MRNIP: variants seen among roughly 807,000 people sequenced by gnomAD.
MRNIP encodes MRN complex interacting protein.
A neutral mutation model predicts 29.8 loss-of-function variants in MRNIP; 30 were observed. The observed-to-expected ratio is 1.01, with a 90% CI of 0.75 to 1.36. The LOEUF is 1.36. Ranked by LOEUF, MRNIP falls within the 40% of genes most tolerant of loss-of-function variation. MRNIP has a pLI of 0.00. For synonymous variants in MRNIP, 201 were observed against 164.1 expected (o/e 1.23, Z -1.72); for missense variants, 459 against 423.5 (o/e 1.08, Z -0.74).
chr5:179,851,745 A>G (rs955378925), intron 2 of MRNIP, among the ~76,000 whole-genome samples: 22 of 152,164 alleles, frequency 1.4e-4, no homozygotes, highest in East Asian at 7.7e-4. Flanking sequence ...TTGGGAGGCC[A>G]AGGTGGGCAG....
At chr5:179,845,072 T>C (rs1313144855) in intron 3 of MRNIP, among the ~76,000 whole-genome samples, 1 of 152,232 alleles carries the variant, frequency 6.6e-6, no homozygotes, top group African/African-American at 2.4e-5. Context: ...CTCTCAACTT[T>C]CCCTTATATT....
chr5:179,840,513 T>G, intron 6 of MRNIP: 2 of 414,396 alleles, frequency 4.8e-6, no homozygotes, highest in African/African-American at 2.0e-5. Context: ...TCTCCCAGGA[T>G]TCAGGGCGGC....
chr5:179,853,415 G>A lies in MRNIP; in HGVS notation c.89C>T (p.Thr30Ile). ...CTGCTTCTCTCCACAAGCTTTGCAT[G>A]TCCACTTGACACTCTTTTTTACCTG... ...AHQVKKSVKWTCKACGEKQSF... is the reference protein window; with the variant it reads ...AHQVKKSVKWICKACGEKQSF... Residue 30 changes from threonine to isoleucine, a missense_variant, in exon 2 of 7, where the codon ACA (threonine) becomes ATA (isoleucine). Physicochemically the swap from Thr to Ile is moderately conservative, Grantham distance 89. Transcript: ENST00000292586. 5 of 1,612,402 alleles carry A rather than the reference G, an allele frequency of 3.1e-6. No homozygotes were observed. Among genetic ancestry groups the A allele is most frequent in the Non-Finnish European group, 4.2e-6 (5 of 1,179,444 alleles).
chr5:179,853,286 A>G (rs756512181), intron 2 of MRNIP, 92 bp downstream of exon 2: 31 of 1,603,694 alleles, frequency 1.9e-5, no homozygotes, highest in Non-Finnish European at 2.6e-5. Context: ...TCTGTTTGAG[A>G]GAGGATGATC....
chr5:179,843,035 G>GAGGAAAGAAGAGGA lies in MRNIP; in HGVS notation c.292-972_292-971insTCCTCTTCTTTCCT, dbSNP rs1554093079. The stretch of plus-strand genomic sequence containing the variant: ...GGACACAGCGAGACTCTGTCGAAAG[G>GAGGAAAGAAGAGGA]AGGAAAGAAGGAAGGAAGGAAGGAA... On this transcript the variant is annotated intron_variant, in intron 4 of 6. Transcript: ENST00000292586. Among the ~76,000 whole-genome samples the GAGGAAAGAAGAGGA allele has an allele frequency of 8.2e-5, 5 of 60,788 alleles. No homozygotes were observed. In the East Asian group the frequency reaches 2.8e-3, roughly 34 times the overall value. The allele number at this position is 60,788 out of a possible 152,430, so 39.9% of individuals were successfully genotyped here.
rs368323623 is a variant in MRNIP at position 179,837,724 on chromosome 5, G to A, written c.699C>T (p.Val233=). 5.0e-6 allele frequency: 8 copies of A among 1,614,252 alleles called. No homozygotes were observed. In the Admixed American group the frequency reaches 6.7e-5, roughly 13 times the overall value. The change falls in exon 7 of 7, where the codon GTC becomes GTT. Residue 233 remains valine, a synonymous_variant. Coordinates refer to ENST00000292586, the MANE Select transcript of MRNIP (RefSeq NM_016175.4). ...CATGTGAACTTTTTCTAGGTGGCAG[G>A]ACAAATTGCGCCCATTTAGAGGATG... is the stretch of plus-strand genomic sequence containing the variant. ...TATSSKWAQF[V]LPPRKSSHVD...
chr5:179,856,628 A>G (rs966199247), intron 1 of MRNIP, among the ~76,000 whole-genome samples: 2 of 152,048 alleles, frequency 1.3e-5, no homozygotes, highest in African/African-American at 4.8e-5. Flanking sequence ...GCGCCACTAC[A>G]TCTAGCTATT....
chr5:179,858,028 GAA>G (rs1759672491), intron 1 of MRNIP, among the ~76,000 whole-genome samples: 2 of 43,866 alleles, frequency 4.6e-5, no homozygotes, highest in Non-Finnish European at 9.5e-5. Context: ...AAAAAAAAAA[GAA>G]GAAGAAGTCT....
intron 1 of MRNIP, among the ~76,000 whole-genome samples, chr5:179,857,681 C>T (rs1376275015): frequency 1.3e-5 from 2 of 152,162 alleles, no homozygotes; most frequent in African/African-American, 2.4e-5. Flanking sequence ...CAGACACATA[C>T]TCAGCATCTT....
chr5:179,840,329 A>C (rs1273929794), intron 6 of MRNIP: 1 of 154,372 alleles, frequency 6.5e-6, no homozygotes. Context: ...GGATCACTTG[A>C]GCCTGGGAGG....
chr5:179,843,445 A>G (rs1758997302), intron 4 of MRNIP, among the ~76,000 whole-genome samples: 1 of 152,206 alleles, frequency 6.6e-6, no homozygotes. Flanking sequence ...TGCTTATAAC[A>G]AAGTGTGAGT....
At chr5:179,856,490 G>C (rs1254360798) in intron 1 of MRNIP, among the ~76,000 whole-genome samples, 1 of 152,016 alleles carries the variant, frequency 6.6e-6, no homozygotes, top group Non-Finnish European at 1.5e-5. Flanking sequence ...CTTTGTTTTT[G>C]AGACAGGGTC....
At chr5:179,857,098 GTAAA>G (rs970394247) in intron 1 of MRNIP, among the ~76,000 whole-genome samples, 8 of 151,770 alleles carry the variant, frequency 5.3e-5, no homozygotes, top group South Asian at 2.1e-4. Flanking sequence ...AAATAAATAA[GTAAA>G]TAAATAAATA....
At chr5:179,855,130 T>TTTTTAA (rs148297118) in intron 1 of MRNIP, among the ~76,000 whole-genome samples, 3 of 151,942 alleles carry the variant, frequency 2.0e-5, no homozygotes, top group Non-Finnish European at 4.4e-5. Context: ...AAAAGCCAAT[T>TTTTTAA]TTTTAATTTT....
chr5:179,837,284 AG>A lies in MRNIP; in HGVS notation c.*106del. 2 of 1,607,764 alleles carry A rather than the reference AG, an allele frequency of 1.2e-6. No individual in the cohort carries two copies. The highest frequency in any genetic ancestry group is 1.7e-6 in the Non-Finnish European group (2 of 1,178,416). On this transcript the variant is annotated 3_prime_UTR_variant, in exon 7 of 7. Coordinates refer to ENST00000292586, the MANE Select transcript of MRNIP (RefSeq NM_016175.4). ...GTTTGCATAGAGAGAAATGATTGAC[AG>A]TAAGTTTATTGTTAATGGTTCTTAC...
intron 2 of MRNIP, 180 bp downstream of exon 2, chr5:179,853,198 T>C (rs1759440007): frequency 6.5e-7 from 1 of 1,527,524 alleles, no homozygotes. Context: ...TGGCAGTACC[T>C]TTCCAGATTC....
At chr5:179,841,159 T>G in intron 5 of MRNIP, 200 bp from the exon 6 acceptor site, 1 of 571,278 alleles carries the variant, frequency 1.8e-6, no homozygotes, top group Non-Finnish European at 3.1e-6. Flanking sequence ...AAGTTTTGTT[T>G]TTATTTCAGT....
chr5:179,848,964 G>A (rs571899027), intron 2 of MRNIP, among the ~76,000 whole-genome samples: 1 of 151,592 alleles, frequency 6.6e-6, no homozygotes, highest in African/African-American at 2.4e-5. Flanking sequence ...GAATTTGAGA[G>A]CATGGGTCCT....
intron 2 of MRNIP, among the ~76,000 whole-genome samples, chr5:179,851,614 A>C (rs937058993): frequency 1.9e-4 from 28 of 150,730 alleles, no homozygotes; most frequent in African/African-American, 7.0e-4. Context: ...CCTTGCCAGC[A>C]CTTTATTTAT....
Sources: gnomAD v4.1 joint callset for allele counts (sites outside exome capture counted in the v4.1 genomes callset) on GRCh38, gnomAD v4.1.1 for gene constraint, MANE v1.5 for transcripts, NCBI Gene and HGNC (gene_info 2026-07-23, HGNC 2026-07-21) for gene names.